ARMH3: variants seen among roughly 807,000 people sequenced by gnomAD.
ARMH3 encodes armadillo-like helical domain-containing protein 3.
Under a neutral mutation model 99.1 loss-of-function variants are expected in ARMH3, and 60 were observed. The ratio of observed to expected loss-of-function variants is 0.61; its 90% confidence interval spans 0.49 to 0.75. The LOEUF (loss-of-function observed/expected upper bound fraction) is 0.75, where lower values mean the gene tolerates loss of function less well. Ranked by LOEUF, ARMH3 falls within the 30% of genes least tolerant of loss-of-function variation. The pLI, the probability that ARMH3 is intolerant of heterozygous loss-of-function variation, is 0.00. For missense variants in ARMH3, 679 were observed against 843.1 expected (o/e 0.81, Z 2.41); for synonymous variants, 285 against 292.8 (o/e 0.97, Z 0.27).
chr10:102,012,939 C>T, intron 9 of ARMH3, 63 bp from the exon 10 acceptor site: 1 of 1,427,140 alleles, frequency 7.0e-7, no homozygotes, highest in South Asian at 1.3e-5. Flanking sequence ...GGTGATGATG[C>T]TAGAACAAGG....
chr10:101,975,244 C>T lies in ARMH3; in HGVS notation c.1463G>A (p.Arg488His), dbSNP rs780793234. Residue 488 changes from arginine (R) to histidine (H), a missense_variant, in exon 20 of 26, where the codon CGC (arginine) becomes CAC (histidine). By Grantham distance (29) the Arg-to-His change is conservative (BLOSUM62 0). This residue lies in a region of ARMH3 where 389 missense variants were observed against 456.5 expected (regional missense o/e 0.85). Transcript: ENST00000370033. ...LLCYQKKCRV[R>H]LHYTWRELWS... The stretch of plus-strand genomic sequence containing the variant: ...GAGCTCCCGCCAGGTGTAATGCAGG[C>T]GTACCCGACACTTCTTCTGGTAGCA... 3.1e-6 allele frequency: 5 copies of T among 1,611,940 alleles called. No individual in the cohort carries two copies. The highest frequency in any genetic ancestry group is 4.2e-6 in the Non-Finnish European group (5 of 1,178,794).
chr10:102,050,396 C>T (rs897648741), intron 1 of ARMH3, among the ~76,000 whole-genome samples: 6 of 148,644 alleles, frequency 4.0e-5, no homozygotes, highest in African/African-American at 1.5e-4. Context: ...TGCAGTAAGC[C>T]GAGATCGCGC....
chr10:102,022,482 ACT>A (rs1319924181), intron 8 of ARMH3, among the ~76,000 whole-genome samples: 1 of 124,640 alleles, frequency 8.0e-6, no homozygotes, highest in East Asian at 2.4e-4. Flanking sequence ...ACAGAGCGAG[ACT>A]CTGACTTAAA....
chr10:101,848,737 C>G (rs186355006), intron 25 of ARMH3, among the ~76,000 whole-genome samples: 1 of 152,194 alleles, frequency 6.6e-6, no homozygotes, highest in East Asian at 1.9e-4. Context: ...CTCAGAGCCT[C>G]GAGACACCGC....
chr10:101,850,938 G>GCCA (rs888615203), intron 24 of ARMH3, among the ~76,000 whole-genome samples: 3 of 152,180 alleles, frequency 2.0e-5, no homozygotes, highest in African/African-American at 7.2e-5. Flanking sequence ...GTAAGACTTT[G>GCCA]CCAATGTCTC....
intron 11 of ARMH3, among the ~76,000 whole-genome samples, chr10:102,011,021 T>C (rs989146933): frequency 1.3e-5 from 2 of 152,190 alleles, no homozygotes; most frequent in African/African-American, 4.8e-5. Context: ...AGCTGAATAC[T>C]TGGATAATAA....
chr10:101,909,076 T>C (rs368729125), intron 23 of ARMH3, among the ~76,000 whole-genome samples: 3 of 152,130 alleles, frequency 2.0e-5, no homozygotes, highest in African/African-American at 7.2e-5. Flanking sequence ...TGAGTGGAAA[T>C]GCAGAAGATA....
At chr10:101,974,253 T>G (rs1341523229) in intron 20 of ARMH3, among the ~76,000 whole-genome samples, 1 of 152,168 alleles carries the variant, frequency 6.6e-6, no homozygotes, top group Non-Finnish European at 1.5e-5. Context: ...AAAGCCAAAC[T>G]GGGTTGGGAG....
intron 22 of ARMH3, among the ~76,000 whole-genome samples, chr10:101,947,419 G>A (rs570071345): frequency 6.6e-6 from 1 of 151,968 alleles, no homozygotes; most frequent in Non-Finnish European, 1.5e-5. Flanking sequence ...AGGATCACTT[G>A]AGCCCAGGAG....
At chr10:101,879,167 C>G (rs1026164954) in intron 24 of ARMH3, among the ~76,000 whole-genome samples, 4 of 152,160 alleles carry the variant, frequency 2.6e-5, no homozygotes, top group African/African-American at 9.7e-5. Flanking sequence ...ATCTGACACA[C>G]TTAGGTTGTC....
chr10:101,878,949 T>G (rs918406194), intron 24 of ARMH3, among the ~76,000 whole-genome samples: 23 of 152,236 alleles, frequency 1.5e-4, no homozygotes, highest in African/African-American at 4.3e-4. Context: ...CTCTCATTTA[T>G]AAAGTTACCA....
At chr10:102,026,533 G>C (rs1345673385) in intron 5 of ARMH3, among the ~76,000 whole-genome samples, 2 of 152,174 alleles carry the variant, frequency 1.3e-5, no homozygotes, top group Admixed American at 1.3e-4. Context: ...AATTGGGGAG[G>C]AAAGGAATTC....
chr10:101,952,940 T>C (rs899175880), intron 22 of ARMH3, among the ~76,000 whole-genome samples: 3 of 152,212 alleles, frequency 2.0e-5, no homozygotes, highest in Admixed American at 1.3e-4. Flanking sequence ...TTATTTCACT[T>C]AGCACAATAT....
chr10:101,973,413 G>A (rs1351552878), intron 20 of ARMH3, among the ~76,000 whole-genome samples: 2 of 151,006 alleles, frequency 1.3e-5, no homozygotes, highest in South Asian at 2.1e-4. Flanking sequence ...GCAAAAATGA[G>A]GGCAATGTAT....
chr10:101,992,112 C>T, intron 17 of ARMH3, 74 bp from the exon 18 acceptor site: 1 of 1,223,154 alleles, frequency 8.2e-7, no homozygotes. Flanking sequence ...TCATCATGTT[C>T]CTTGTGCAAA....
intron 25 of ARMH3, among the ~76,000 whole-genome samples, chr10:101,848,655 A>G (rs1290478876): frequency 6.6e-6 from 1 of 152,150 alleles, no homozygotes; most frequent in Non-Finnish European, 1.5e-5. Flanking sequence ...TCCAAACTGG[A>G]CCAGACCCTC....
intron 23 of ARMH3, among the ~76,000 whole-genome samples, chr10:101,904,481 T>C (rs1352419065): frequency 6.6e-6 from 1 of 152,180 alleles, no homozygotes; most frequent in African/African-American, 2.4e-5. Flanking sequence ...CTAATTACTT[T>C]GACTTGTTAC....
chr10:102,041,528 T>C (rs530781558), intron 1 of ARMH3, among the ~76,000 whole-genome samples: 22 of 152,218 alleles, frequency 1.4e-4, no homozygotes, highest in Admixed American at 3.9e-4. Flanking sequence ...TATCCAATAG[T>C]ACAAAAGATT....
chr10:102,039,541 C>A (rs1423729150), intron 2 of ARMH3, among the ~76,000 whole-genome samples: 1 of 152,170 alleles, frequency 6.6e-6, no homozygotes, highest in African/African-American at 2.4e-5. Context: ...CAGTTATCCC[C>A]TATAGTTGGA....
Sources: allele counts gnomAD v4.1 joint callset (sites outside exome capture counted in the v4.1 genomes callset), GRCh38; gene constraint gnomAD v4.1.1; regional missense constraint gnomAD v4.1.1; transcripts MANE v1.5; gene names NCBI Gene and HGNC (gene_info 2026-07-23, HGNC 2026-07-21).